Variants in KRT72 observed in about 807,000 individuals in gnomAD.
KRT72 encodes the protein keratin, type II cytoskeletal 72.
KRT72 carries 44 observed loss-of-function variants against 44.7 expected under a neutral mutation model. That is an observed-to-expected ratio of 0.98 (90% confidence interval 0.77 to 1.27). The LOEUF (loss-of-function observed/expected upper bound fraction) is 1.27, where lower values mean the gene tolerates loss of function less well. KRT72 is among the 50% of genes most tolerant of loss of function. KRT72 has a pLI of 0.00. For missense variants in KRT72, 736 were observed against 667.1 expected (o/e 1.10, Z -1.14); for synonymous variants, 302 against 280.4 (o/e 1.08, Z -0.77).
chr12:52,590,856 T>C lies in KRT72; in HGVS notation c.1069A>G (p.Ile357Val), dbSNP rs762527981. Reference protein sequence around the residue: ...NRLIQRIRSEIGNVKKQCADL... With the variant: ...NRLIQRIRSEVGNVKKQCADL... ...CCCACCTGCTTCTTCACATTCCCTA[T>C]CTCTGAGCGGATCCTCTGGATCAGG... Residue 357 changes from isoleucine to valine, a missense_variant, in exon 6 of 9, where the codon ATA (isoleucine) becomes GTA (valine). Ile to Val is a conservative substitution (Grantham distance 29). Coordinates refer to ENST00000293745, the MANE Select transcript of KRT72 (RefSeq NM_080747.3). 4 of 1,590,614 alleles carry C rather than the reference T, an allele frequency of 2.5e-6. No homozygotes were observed. The highest frequency in any genetic ancestry group is 1.3e-5 in the African/African-American group (1 of 74,594).
intron 1 of KRT72, among the ~76,000 whole-genome samples, chr12:52,600,040 CT>C (rs1311926458): frequency 6.6e-6 from 1 of 152,190 alleles, no homozygotes; most frequent in African/African-American, 2.4e-5. Flanking sequence ...AGTCCATTCC[CT>C]GTCTCCTCTC....
intron 2 of KRT72, among the ~76,000 whole-genome samples, chr12:52,596,778 T>G (rs568061267): frequency 6.6e-6 from 1 of 152,108 alleles, no homozygotes; most frequent in East Asian, 1.9e-4. Context: ...CTCGAACTCT[T>G]GAGCTCAAAT....
chr12:52,591,560 A>G lies in KRT72; in HGVS notation c.867T>C (p.Asp289=). The change falls in exon 5 of 9, where the codon GAT becomes GAC. Residue 289 remains aspartate, a synonymous_variant. Coordinates refer to ENST00000293745, the MANE Select transcript of KRT72 (RefSeq NM_080747.3). ...CGGCAATGATGCTGTCCAGGTCCAGATCCCGGTTGTTGTCCATTGACAGGA... is the reference window on the plus strand; with the variant it reads ...CGGCAATGATGCTGTCCAGGTCCAGGTCCCGGTTGTTGTCCATTGACAGGA... ...SIVLSMDNNR[D]LDLDSIIAEV... is the part of the protein sequence containing the mutation. 1 of 1,613,982 alleles carries G rather than the reference A, an allele frequency of 6.2e-7. No individual in the cohort carries two copies. The highest frequency in any genetic ancestry group is 1.1e-5 in the South Asian group (1 of 91,062).
intron 2 of KRT72, among the ~76,000 whole-genome samples, chr12:52,596,044 G>A (rs893068107): frequency 4.6e-5 from 7 of 152,326 alleles, no homozygotes; most frequent in Admixed American, 4.6e-4. Context: ...TATGTGTTGA[G>A]TGTGGGGTAC....
chr12:52,590,803 A>G (rs1939976037), intron 6 of KRT72, 33 bp downstream of exon 6: 2 of 1,548,962 alleles, frequency 1.3e-6, no homozygotes, highest in Non-Finnish European at 1.8e-6. Context: ...GACTCAATAA[A>G]TACTGTTAGT....
intron 2 of KRT72, among the ~76,000 whole-genome samples, chr12:52,595,108 G>A (rs1027491468): frequency 2.0e-5 from 3 of 152,014 alleles, no homozygotes; most frequent in Non-Finnish European, 4.4e-5. Flanking sequence ...AAAATACATA[G>A]AAAACTTTTG....
intron 2 of KRT72, among the ~76,000 whole-genome samples, chr12:52,595,795 G>T (rs536840269): frequency 6.6e-6 from 1 of 152,194 alleles, no homozygotes; most frequent in South Asian, 2.1e-4. Context: ...GACAGAATAA[G>T]TTGTATAAGC....
At chr12:52,590,480 C>A (rs1000193964) in intron 6 of KRT72, among the ~76,000 whole-genome samples, 1 of 152,192 alleles carries the variant, frequency 6.6e-6, no homozygotes, top group Non-Finnish European at 1.5e-5. Context: ...TGCTGAGCAG[C>A]GAGCTGCCTG....
At chr12:52,602,168 T>A (rs546203815), upstream of KRT72, among the ~76,000 whole-genome samples, 5 of 152,190 alleles carry the variant, frequency 3.3e-5, no homozygotes, top group Admixed American at 6.5e-5. Context: ...CCATGCTATC[T>A]GGGAGGGAGG....
rs752356850 is a variant in KRT72 at position 52,601,032 on chromosome 12, C to T, written c.421G>A (p.Asp141Asn). The change falls in exon 1 of 9, where the codon GAC becomes AAC. Residue 141 changes from aspartate to asparagine, a missense_variant. By Grantham distance (23) the Asp-to-Asn change is conservative (BLOSUM62 1). Coordinates refer to ENST00000293745, the MANE Select transcript of KRT72 (RefSeq NM_080747.3). Reference protein sequence around the residue: ...ALNNKFASFIDKVRFLEQQNQ... With the variant: ...ALNNKFASFINKVRFLEQQNQ... ...GCCAATGCCCGAGGACTCACCTTGT[C>T]GATGAAGGAGGCGAACTTGTTGTTT... 18 of 1,611,780 alleles carry T rather than the reference C, an allele frequency of 1.1e-5. No individual in the cohort carries two copies. The highest frequency in any genetic ancestry group is 9.0e-5 in the East Asian group (4 of 44,674).
chr12:52,598,760 T>C (rs2120806718), intron 2 of KRT72, 138 bp downstream of exon 2: 2 of 705,550 alleles, frequency 2.8e-6, no homozygotes, highest in East Asian at 2.6e-5. Context: ...ATCTATTCTT[T>C]TCCTAGTTCC....
Position 52,586,973 on chromosome 12 carries a change from C to T in KRT72, c.1318G>A (p.Gly440Ser). The T allele has an allele frequency of 6.2e-7, 1 of 1,613,944 alleles. No homozygotes were observed. The change falls in exon 8 of 9, where the codon GGC becomes AGC. Residue 440 changes from glycine (G) to serine (S), a missense_variant. Physicochemically the swap from Gly to Ser is moderately conservative, Grantham distance 56. Transcript: ENST00000293745. ...ATGCTCACAGAATTTGGATATTCGC[C>T]AGACATCCTGAAGAAGGAGAAGAAA... ...LLESEECRMS[G>S]EYPNSVSISV...
At chr12:52,590,129 T>C (rs1939940820) in intron 6 of KRT72, among the ~76,000 whole-genome samples, 1 of 152,254 alleles carries the variant, frequency 6.6e-6, no homozygotes, top group African/African-American at 2.4e-5. Context: ...TGCACTGCTT[T>C]CACAAACTTG....
chr12:52,589,003 TA>T (rs1939892074), intron 6 of KRT72, among the ~76,000 whole-genome samples: 1 of 8,400 alleles, frequency 1.2e-4, no homozygotes, highest in Non-Finnish European at 2.2e-4. Flanking sequence ...CCATCTCAAA[TA>T]TATATATATA....
chr12:52,593,663 A>G (rs12321118), intron 2 of KRT72, among the ~76,000 whole-genome samples: 220 of 142,280 alleles, frequency 1.5e-3, no homozygotes, highest in African/African-American at 5.8e-3. Flanking sequence ...TATACATACA[A>G]TGGGATATCA....
chr12:52,590,170 A>G (rs1314925551), intron 6 of KRT72, among the ~76,000 whole-genome samples: 1 of 152,150 alleles, frequency 6.6e-6, no homozygotes, highest in Non-Finnish European at 1.5e-5. Flanking sequence ...CTTTAGAGCC[A>G]CAGATGTGGT....
chr12:52,588,096 C>T lies in KRT72; in HGVS notation c.1090-245G>A, dbSNP rs139268305. On this transcript the variant is annotated intron_variant, in intron 6 of 8. Coordinates refer to ENST00000293745, the MANE Select transcript of KRT72 (RefSeq NM_080747.3). Reference sequence around the variant, plus strand: ...ACCTGGGAGGGAGGAGGGGAAGGCACGGAGAAAGAGGGCGGCCTGGGCACA... The same window carrying T: ...ACCTGGGAGGGAGGAGGGGAAGGCATGGAGAAAGAGGGCGGCCTGGGCACA... Among the ~76,000 whole-genome samples the T allele has an allele frequency of 1.5e-3, 227 of 152,292 alleles. 2 individuals are homozygous for T. The highest frequency in any genetic ancestry group is 5.1e-3 in the African/African-American group (213 of 41,572).
rs1283549464 is a variant in KRT72, at chr12:52,591,571, T to C, written c.856A>G (p.Asn286Asp). The change falls in exon 5 of 9, where the codon AAC becomes GAC. Residue 286 changes from asparagine (N) to aspartate (D), a missense_variant. By Grantham distance (23) the Asn-to-Asp change is conservative. Coordinates refer to ENST00000293745, the MANE Select transcript of KRT72 (RefSeq NM_080747.3). ...CTGTCCAGGTCCAGATCCCGGTTGT[T>C]GTCCATTGACAGGACGATGGACGTG... ...SDTSIVLSMD[N>D]NRDLDLDSII... 7 of 1,613,938 alleles carry C rather than the reference T, an allele frequency of 4.3e-6. No individual in the cohort carries two copies. The highest frequency in any genetic ancestry group is 5.1e-6 in the Non-Finnish European group (6 of 1,179,918).
intron 8 of KRT72, among the ~76,000 whole-genome samples, chr12:52,586,600 A>G (rs1037303548): frequency 2.0e-5 from 3 of 152,200 alleles, no homozygotes; most frequent in Admixed American, 1.3e-4. Context: ...CATCTCATTC[A>G]TTCATTCCAT....
Sources: allele counts gnomAD v4.1 joint callset (sites outside exome capture counted in the v4.1 genomes callset), GRCh38; gene constraint gnomAD v4.1.1; transcripts MANE v1.5; gene names NCBI Gene and HGNC (gene_info 2026-07-23, HGNC 2026-07-21).